TMOD3: variants seen among roughly 807,000 people sequenced by gnomAD.
TMOD3 encodes the protein tropomodulin 3, also known as tropomodulin-3.
Under a neutral mutation model 39.2 loss-of-function variants are expected in TMOD3, and 20 were observed. That is an observed-to-expected ratio of 0.51 (90% CI 0.36 to 0.74). The LOEUF is 0.74. TMOD3 is among the 30% of genes least tolerant of loss of function. The pLI is 0.00. For synonymous variants in TMOD3, 143 were observed against 145.8 expected (o/e 0.98, Z 0.14); for missense variants, 381 against 412.8 (o/e 0.92, Z 0.67).
intron 1 of TMOD3, among the ~76,000 whole-genome samples, chr15:51,854,530 T>C (rs2141677969): frequency 6.6e-6 from 1 of 152,370 alleles, no homozygotes; most frequent in South Asian, 2.1e-4. Context: ...CTGAATCATA[T>C]GATTCTACAT....
At chr15:51,903,250 T>C (rs2056662263) in intron 9 of TMOD3, among the ~76,000 whole-genome samples, 1 of 152,246 alleles carries the variant, frequency 6.6e-6, no homozygotes, top group Admixed American at 6.5e-5. Context: ...AAATAGACTT[T>C]CCAGCCAAGG....
intron 1 of TMOD3, among the ~76,000 whole-genome samples, chr15:51,851,692 G>A (rs1187802100): frequency 6.6e-6 from 1 of 152,202 alleles, no homozygotes; most frequent in Non-Finnish European, 1.5e-5. Context: ...AAAAATAGGT[G>A]TGGAATAAGA....
Position 51,887,620 on chromosome 15 carries a change from A to G in TMOD3, c.315A>G (p.Val105=), listed in dbSNP as rs1178721061. The G allele has an allele frequency of 1.2e-6, 2 of 1,613,822 alleles. No homozygotes were observed. The highest frequency in any genetic ancestry group is 1.7e-6 in the Non-Finnish European group (2 of 1,179,900). Residue 105 remains valine, a synonymous_variant, in exon 4 of 10, where the codon GTA becomes GTG. Coordinates refer to ENST00000308580, the MANE Select transcript of TMOD3 (RefSeq NM_014547.5). ...GKIFIPKQKP[V]QTFTEEKVSL... Reference sequence around the variant, plus strand: ...TATTTATCCCCAAACAGAAACCTGTACAGACTTTTACAGAAGAAAAAGTGT... The same window carrying G: ...TATTTATCCCCAAACAGAAACCTGTGCAGACTTTTACAGAAGAAAAAGTGT...
At chr15:51,891,580 A>G (rs564527205) in intron 5 of TMOD3, among the ~76,000 whole-genome samples, 1 of 152,276 alleles carries the variant, frequency 6.6e-6, no homozygotes, top group East Asian at 1.9e-4. Flanking sequence ...CTTTTGCTTA[A>G]TAATTCCTGC....
At chr15:51,900,496 A>C (rs1385791498) in intron 8 of TMOD3, among the ~76,000 whole-genome samples, 198 bp downstream of exon 8, 1 of 152,176 alleles carries the variant, frequency 6.6e-6, no homozygotes, top group Non-Finnish European at 1.5e-5. Flanking sequence ...GTAAAGGTGT[A>C]TACTCTCCCT....
chr15:51,845,432 G>C (rs1441051777), intron 1 of TMOD3, among the ~76,000 whole-genome samples: 8 of 152,176 alleles, frequency 5.3e-5, no homozygotes, highest in Non-Finnish European at 2.9e-5. Context: ...GATGCTGGGA[G>C]CTAACTAAGT....
chr15:51,892,491 T>C (rs1358571051), intron 5 of TMOD3: 1 of 152,214 alleles, frequency 6.6e-6, no homozygotes, highest in Non-Finnish European at 1.5e-5. Flanking sequence ...GAGGTAAAGA[T>C]TAGGGAGTGA....
chr15:51,837,438 TC>T (rs753299802), intron 1 of TMOD3, among the ~76,000 whole-genome samples: 64 of 151,904 alleles, frequency 4.2e-4, no homozygotes, highest in Non-Finnish European at 8.2e-4. Context: ...TTTTTTTTTT[TC>T]CTCTTTAATG....
At chr15:51,876,756 C>G (rs1218670181) in intron 3 of TMOD3, among the ~76,000 whole-genome samples, 6 of 151,792 alleles carry the variant, frequency 4.0e-5, no homozygotes, top group African/African-American at 7.3e-5. Flanking sequence ...CCACCGCACC[C>G]GGCCCCAGCG....
chr15:51,895,562 C>A (rs1332566748), intron 6 of TMOD3, among the ~76,000 whole-genome samples: 1 of 151,988 alleles, frequency 6.6e-6, no homozygotes, highest in Non-Finnish European at 1.5e-5. Context: ...ATCCCTTTCT[C>A]TAAATAAACA....
chr15:51,900,324 G>A (rs962316875), intron 8 of TMOD3, 26 bp downstream of exon 8: 42 of 1,612,848 alleles, frequency 2.6e-5, no homozygotes, highest in Middle Eastern at 1.6e-4. Flanking sequence ...TAATAACGTC[G>A]AGGAAGCTAC....
intron 2 of TMOD3, among the ~76,000 whole-genome samples, chr15:51,863,446 C>T (rs569598435): frequency 6.6e-5 from 10 of 152,258 alleles, no homozygotes; most frequent in East Asian, 1.9e-4. Flanking sequence ...AGAGGCTGAC[C>T]GAATTGATTA....
At chr15:51,877,612 G>A (rs1477034785) in intron 3 of TMOD3, among the ~76,000 whole-genome samples, 3 of 151,756 alleles carry the variant, frequency 2.0e-5, no homozygotes, top group African/African-American at 4.8e-5. Context: ...ACCGGAAGAC[G>A]GAGGTTGCAG....
At chr15:51,843,507 C>T (rs1170954386) in intron 1 of TMOD3, among the ~76,000 whole-genome samples, 1 of 152,132 alleles carries the variant, frequency 6.6e-6, no homozygotes, top group Non-Finnish European at 1.5e-5. Flanking sequence ...AGGCAAGATA[C>T]AGATGTTAGA....
chr15:51,857,873 G>GA (rs1410108336), intron 1 of TMOD3, among the ~76,000 whole-genome samples: 1 of 151,644 alleles, frequency 6.6e-6, no homozygotes, highest in Non-Finnish European at 1.5e-5. Flanking sequence ...TTTATAAAGG[G>GA]AAAATTTTTT....
At chr15:51,887,971 A>G (rs1026852809) in intron 4 of TMOD3, among the ~76,000 whole-genome samples, 1 of 152,202 alleles carries the variant, frequency 6.6e-6, no homozygotes, top group African/African-American at 2.4e-5. Context: ...GTCATATTTG[A>G]AAGTCTTTCT....
chr15:51,887,366 A>G (rs1398449258), intron 3 of TMOD3, among the ~76,000 whole-genome samples: 1 of 150,562 alleles, frequency 6.6e-6, no homozygotes, highest in East Asian at 1.9e-4. Context: ...GCCCATTTTT[A>G]TTTCCACAGA....
chr15:51,896,481 A>G lies in TMOD3; in HGVS notation c.690A>G (p.Lys230=), dbSNP rs553333641. ...CTTTGGAAACCAACACACATGTGAA[A>G]TGTTTCAGTCTTGCAGCCACCCGGA... ...AKALETNTHV[K]CFSLAATRSN... Residue 230 remains lysine (K), a synonymous_variant, in exon 7 of 10, where the codon AAA becomes AAG. Coordinates refer to ENST00000308580, the MANE Select transcript of TMOD3 (RefSeq NM_014547.5). 6.2e-7 allele frequency: 1 copy of G among 1,613,866 alleles called. No individual in the cohort carries two copies. The highest frequency in any genetic ancestry group is 8.5e-7 in the Non-Finnish European group (1 of 1,179,798).
At chr15:51,843,774 A>C (rs780113084) in intron 1 of TMOD3, among the ~76,000 whole-genome samples, 1 of 152,180 alleles carries the variant, frequency 6.6e-6, no homozygotes, top group Non-Finnish European at 1.5e-5. Context: ...AACTGCCCTC[A>C]ATCCCAGTTT....
Sources: gnomAD v4.1 joint callset for allele counts (sites outside exome capture counted in the v4.1 genomes callset) on GRCh38, gnomAD v4.1.1 for gene constraint, MANE v1.5 for transcripts, NCBI Gene and HGNC (gene_info 2026-07-23, HGNC 2026-07-21) for gene names.